Variants in FBN3 observed in about 807,000 individuals in gnomAD.
FBN3 encodes the protein fibrillin 3.
A neutral mutation model predicts 330.1 loss-of-function variants in FBN3; 234 were observed. The observed-to-expected ratio is 0.71, with a 90% CI of 0.64 to 0.79. The LOEUF (loss-of-function observed/expected upper bound fraction) is 0.79. FBN3 is among the 30% of genes least tolerant of loss of function. The pLI is 0.00. For synonymous variants in FBN3, 1,458 were observed against 1,517.3 expected (o/e 0.96, Z 0.91); for missense variants, 3,606 against 3,886.9 (o/e 0.93, Z 1.92).
chr19:8,081,651 G>T (rs906784751), intron 57 of FBN3, among the ~76,000 whole-genome samples, 171 bp from the exon 58 acceptor site: 1 of 152,138 alleles, frequency 6.6e-6, no homozygotes, highest in East Asian at 1.9e-4. Flanking sequence ...GGTTTTGCAG[G>T]CCACACCATC....
intron 13 of FBN3, among the ~76,000 whole-genome samples, chr19:8,133,768 A>G (rs2083211082): frequency 6.6e-6 from 1 of 152,066 alleles, no homozygotes; most frequent in South Asian, 2.1e-4. Context: ...TCACTTTTAA[A>G]TGATTAAATT....
intron 63 of FBN3, among the ~76,000 whole-genome samples, chr19:8,066,639 G>C (rs1338067503): frequency 6.6e-5 from 10 of 152,122 alleles, no homozygotes; most frequent in African/African-American, 2.4e-4. Flanking sequence ...CCAGCACTTT[G>C]GGAGGCCGAG....
In FBN3 at chr19:8,138,304, G is replaced by A. The variant is rs34278476; in HGVS notation, c.1038C>T (p.Cys346=). ...CGGGTAGCAGCGGCAGCCGCTGGGC[G>A]CACAGTTGCTGGAATTCATCTGCAA... ...PRGSNEFQQL[C]AQRLPLLPGH... is the part of the protein sequence containing the mutation. Residue 346 remains cysteine (C), a synonymous_variant, in exon 10 of 64, where the codon TGC becomes TGT. Coordinates refer to ENST00000600128, the MANE Select transcript of FBN3 (RefSeq NM_032447.5). 15,412 of 1,612,974 alleles carry A rather than the reference G, an allele frequency of 9.6e-3. 353 individuals are homozygous for A. Among genetic ancestry groups the A allele is most frequent in the East Asian group, 0.074 (3,340 of 44,850 alleles).
chr19:8,066,858 A>G (rs924845074), intron 63 of FBN3, among the ~76,000 whole-genome samples: 3 of 152,186 alleles, frequency 2.0e-5, no homozygotes, highest in East Asian at 3.9e-4. Context: ...CAGCCTGGGC[A>G]ACAGAGGAAG....
chr19:8,085,306 T>C, intron 56 of FBN3, 57 bp downstream of exon 56: 1 of 1,458,508 alleles, frequency 6.9e-7, no homozygotes, highest in South Asian at 1.3e-5. Context: ...CACATGACCC[T>C]GAGCAAACTC....
intron 47 of FBN3, among the ~76,000 whole-genome samples, chr19:8,092,223 C>G (rs1007553068): frequency 4.6e-5 from 7 of 151,642 alleles, no homozygotes; most frequent in African/African-American, 1.7e-4. Context: ...CCATTCAATC[C>G]AGCAATCCTA....
At chr19:8,130,923 G>A (rs2083131595) in intron 16 of FBN3, among the ~76,000 whole-genome samples, 1 of 151,774 alleles carries the variant, frequency 6.6e-6, no homozygotes, top group African/African-American at 2.4e-5. Flanking sequence ...GAAGATGGAG[G>A]CAGAGATGGG....
At chr19:8,074,968 A>G in intron 61 of FBN3, 103 bp downstream of exon 61, 3 of 1,447,638 alleles carry the variant, frequency 2.1e-6, no homozygotes, top group Non-Finnish European at 2.8e-6. Context: ...ATCTTTAGAT[A>G]ATTGTGCTTG....
At chr19:8,103,876 C>A (rs1334868120) in intron 38 of FBN3, among the ~76,000 whole-genome samples, 189 bp from the exon 39 acceptor site, 2 of 152,114 alleles carry the variant, frequency 1.3e-5, no homozygotes, top group Admixed American at 1.3e-4. Flanking sequence ...GTGGCTCATG[C>A]CTGTAATCTG....
chr19:8,102,498 G>A (rs1351097829), intron 40 of FBN3, among the ~76,000 whole-genome samples: 1 of 152,062 alleles, frequency 6.6e-6, no homozygotes, highest in Non-Finnish European at 1.5e-5. Context: ...GATTATAGGT[G>A]TGAGCCACCA....
chr19:8,072,597 G>A (rs1475144356), intron 62 of FBN3, among the ~76,000 whole-genome samples: 1 of 151,990 alleles, frequency 6.6e-6, no homozygotes, highest in Non-Finnish European at 1.5e-5. Context: ...TGTATAGTGT[G>A]AGCACTCACA....
Position 8,126,592 on chromosome 19 carries a change from G to A in FBN3, c.2430C>T (p.Gly810=), listed in dbSNP as rs368489823. 47 of 1,609,728 alleles carry A rather than the reference G, an allele frequency of 2.9e-5. No homozygotes were observed. The highest frequency in any genetic ancestry group is 3.7e-5 in the Non-Finnish European group (44 of 1,179,900). The change falls in exon 20 of 64, where the codon GGC becomes GGT. Residue 810 remains glycine, a synonymous_variant. Transcript: ENST00000600128. ...SGTFCLDSTK[G]TCWLKIQESR... ...TCTCCTGGATCTTCAGCCAGCAGGT[G>A]CCCTTGGTGCTGTCTGGGGAGAAGA...
intron 16 of FBN3, among the ~76,000 whole-genome samples, chr19:8,130,328 T>G: frequency 7.3e-6 from 1 of 137,220 alleles, no homozygotes. Flanking sequence ...CATGGCAAAA[T>G]CTCATCTCTA....
Position 8,102,802 on chromosome 19 carries a change from G to A in FBN3, c.5011C>T (p.Arg1671Trp), listed in dbSNP as rs548011190. ...CQNELAFNVTRKMCCCSYNIG... is the reference protein window; with the variant it reads ...CQNELAFNVTWKMCCCSYNIG... ...TTGTAGGAGCAGCAACACATTTTCC[G>A]GGTCACGTTGAAGGCCAGCTCATTT... Residue 1671 changes from arginine to tryptophan, a missense_variant, in exon 40 of 64, where the codon CGG (arginine) becomes TGG (tryptophan). Physicochemically the swap from Arg to Trp is moderately radical, Grantham distance 101. Transcript: ENST00000600128. 2.5e-5 allele frequency: 41 copies of A among 1,614,044 alleles called. No individual in the cohort carries two copies. The highest frequency in any genetic ancestry group is 4.0e-5 in the African/African-American group (3 of 75,014).
At chr19:8,111,465 T>C (rs1394045174) in intron 32 of FBN3, among the ~76,000 whole-genome samples, 183 bp downstream of exon 32, 1 of 151,762 alleles carries the variant, frequency 6.6e-6, no homozygotes, top group Non-Finnish European at 1.5e-5. Flanking sequence ...CACTTAAGTG[T>C]TCAAGGGAGC....
Position 8,097,011 on chromosome 19 carries a change from GA to G in FBN3, c.5288-6del. 6.2e-7 allele frequency: 1 copy of G among 1,611,872 alleles called. No individual in the cohort carries two copies. Among genetic ancestry groups the G allele is most frequent in the East Asian group, 2.2e-5 (1 of 44,824 alleles). The stretch of plus-strand genomic sequence containing the variant: ...TGCTGCCACACTCATCGACATCTGG[GA>G]AAATACAGCAAATGAGGTGGGGGTG... On this transcript the variant is annotated splice_polypyrimidine_tract_variant and splice_region_variant and intron_variant, in intron 42 of 63. Coordinates refer to ENST00000600128, the MANE Select transcript of FBN3 (RefSeq NM_032447.5).
At chr19:8,113,015 C>A (rs770527154) in intron 30 of FBN3, among the ~76,000 whole-genome samples, 2 of 152,162 alleles carry the variant, frequency 1.3e-5, no homozygotes, top group Non-Finnish European at 2.9e-5. Flanking sequence ...AGTCCTAAAC[C>A]CTGAAACTGG....
rs779043209 is a variant in FBN3, at chr19:8,142,103, G to T, written c.576C>A (p.Gly192=). 1.7e-5 allele frequency: 28 copies of T among 1,612,702 alleles called. No homozygotes were observed. The highest frequency in any genetic ancestry group is 2.4e-5 in the Non-Finnish European group (28 of 1,179,316). ...TCAGCTGATGCTGGCACCCCTCGGG[G>T]CCTACTTGGCCAAAGCAGGGTCCCG... The part of the protein sequence containing the change: ...YRTGPCFGQV[G]PEGCQHQLTG... The change falls in exon 7 of 64, where the codon GGC becomes GGA. Residue 192 remains glycine (G), a synonymous_variant. Transcript: ENST00000600128.
intron 51 of FBN3, 100 bp from the exon 52 acceptor site, chr19:8,088,279 C>T (rs1599307360): frequency 7.0e-7 from 1 of 1,419,216 alleles, no homozygotes; most frequent in Non-Finnish European, 9.5e-7. Context: ...TCGGAGGGGG[C>T]CAGATCGAAT....
Sources: gnomAD v4.1 joint callset for allele counts (sites outside exome capture counted in the v4.1 genomes callset) on GRCh38, gnomAD v4.1.1 for gene constraint, MANE v1.5 for transcripts, NCBI Gene and HGNC (gene_info 2026-07-23, HGNC 2026-07-21) for gene names.